Variants in ARAP2 observed in about 807,000 individuals in gnomAD.
The protein encoded by ARAP2 is arf-GAP with Rho-GAP domain, ANK repeat and PH domain-containing protein 2.
ARAP2 carries 148 observed loss-of-function variants against 194.5 expected under a neutral mutation model. The ratio of observed to expected loss-of-function variants is 0.76; its 90% CI spans 0.67 to 0.87. ARAP2 has a LOEUF of 0.87. Among genes scored for constraint, ARAP2 ranks in the 40% least tolerant of loss-of-function variants. The pLI is 0.00. For synonymous variants in ARAP2, 695 were observed against 683.5 expected (o/e 1.02, Z -0.26); for missense variants, 2,128 against 1,989.7 (o/e 1.07, Z -1.32).
chr4:36,054,779 A>G (rs1723225961), intron 2 of ARAP2, among the ~76,000 whole-genome samples: 1 of 152,242 alleles, frequency 6.6e-6, no homozygotes, highest in African/African-American at 2.4e-5. Context: ...AATACTTTTC[A>G]CTAAGTGTAA....
chr4:36,191,356 A>T (rs1323593245), intron 7 of ARAP2, among the ~76,000 whole-genome samples: 1 of 152,140 alleles, frequency 6.6e-6, no homozygotes, highest in African/African-American at 2.4e-5. Context: ...TTCCTTAAAA[A>T]ATAACCTACA....
Position 36,133,379 on chromosome 4 carries a change from T to C in ARAP2, c.3274A>G (p.Ile1092Val), listed in dbSNP as rs138660861. 6.2e-7 allele frequency: 1 copy of C among 1,608,760 alleles called. No homozygotes were observed. The highest frequency in any genetic ancestry group is 1.3e-5 in the African/African-American group (1 of 74,550). Reference protein sequence around the residue: ...LLVEKGRTLYIHGHTKLDFTV... With the variant: ...LLVEKGRTLYVHGHTKLDFTV... Reference sequence around the variant, plus strand: ...AAATCCAACTTGGTATGCCCATGGATGTATAATGTTCTGTAAAGTTTAAAA... The same window carrying C: ...AAATCCAACTTGGTATGCCCATGGACGTATAATGTTCTGTAAAGTTTAAAA... The change falls in exon 20 of 33, where the codon ATC becomes GTC. Residue 1092 changes from isoleucine to valine, a missense_variant. Coordinates refer to ENST00000303965, the MANE Select transcript of ARAP2 (RefSeq NM_015230.4).
intron 19 of ARAP2, among the ~76,000 whole-genome samples, chr4:36,143,212 T>C (rs1329059633): frequency 6.6e-6 from 1 of 151,804 alleles, no homozygotes; most frequent in Non-Finnish European, 1.5e-5. Flanking sequence ...GCAGATTCTT[T>C]ACTTTTATGC....
intron 1 of ARAP2, among the ~76,000 whole-genome samples, chr4:36,238,080 C>T (rs1322960590): frequency 6.6e-6 from 1 of 152,202 alleles, no homozygotes; most frequent in East Asian, 1.9e-4. Context: ...CTCTCCTCCG[C>T]CATCCATTCA....
At chr4:36,084,873 C>A (rs778656778) in intron 28 of ARAP2, among the ~76,000 whole-genome samples, 100 of 151,712 alleles carry the variant, frequency 6.6e-4, no homozygotes, top group Non-Finnish European at 1.3e-3. Context: ...TTTAAAAAAA[C>A]CATATTTTGA....
intron 7 of ARAP2, among the ~76,000 whole-genome samples, chr4:36,189,196 C>A (rs1013513851): frequency 6.6e-6 from 1 of 152,114 alleles, no homozygotes; most frequent in African/African-American, 2.4e-5. Flanking sequence ...CAACTTATTT[C>A]TTCTCCTTTT....
intron 3 of ARAP2, among the ~76,000 whole-genome samples, chr4:36,048,917 T>C (rs1483698406): frequency 2.6e-5 from 4 of 152,152 alleles, no homozygotes; most frequent in African/African-American, 9.7e-5. Flanking sequence ...CAATTCTGAC[T>C]GGTGTAAGAT....
intron 5 of ARAP2, among the ~76,000 whole-genome samples, chr4:36,034,563 T>C (rs1719586943): frequency 6.6e-6 from 1 of 152,176 alleles, no homozygotes; most frequent in African/African-American, 2.4e-5. Context: ...GAGATTTTTC[T>C]ATGTATAAAA....
At chr4:36,212,077 C>T (rs1005362466) in intron 5 of ARAP2, among the ~76,000 whole-genome samples, 1 of 3,516 alleles carries the variant, frequency 2.8e-4, no homozygotes, top group Non-Finnish European at 8.5e-4. Context: ...CTGCCCTTTT[C>T]TCCTTTTTAT....
intron 21 of ARAP2, 58 bp downstream of exon 21, chr4:36,128,475 T>TAAAC (rs1384155506): frequency 7.8e-6 from 2 of 256,398 alleles, no homozygotes; most frequent in Admixed American, 2.3e-4. Context: ...TGGTCTATAT[T>TAAAC]ATACACACAC....
chr4:36,035,852 A>G (rs1353701281), intron 5 of ARAP2, among the ~76,000 whole-genome samples: 3 of 152,156 alleles, frequency 2.0e-5, no homozygotes, highest in African/African-American at 7.2e-5. Flanking sequence ...ACGTTTTTCC[A>G]TATGTCTGTC....
At position 36,114,215 on chromosome 4, in the gene ARAP2, C is replaced by G. The variant is rs1720759343; in HGVS notation, c.4111G>C (p.Gly1371Arg). Residue 1371 changes from glycine (G) to arginine (R), a missense_variant, in exon 26 of 33, where the codon GGT becomes CGT. By Grantham distance (125) the Gly-to-Arg change is moderately radical. Coordinates refer to ENST00000303965, the MANE Select transcript of ARAP2 (RefSeq NM_015230.4). The part of the protein sequence containing the change: ...LAIKNIIPTK[G>R]DIWATFEVIE... Reference sequence around the variant, plus strand: ...ACTTCAAATGTGGCCCAAATATCACCTTTTGTAGGAATAATATTTTTTATC... The same window carrying G: ...ACTTCAAATGTGGCCCAAATATCACGTTTTGTAGGAATAATATTTTTTATC... The G allele has an allele frequency of 1.9e-6, 3 of 1,603,616 alleles. No homozygotes were observed. Among genetic ancestry groups the G allele is most frequent in the South Asian group, 1.1e-5 (1 of 90,184 alleles).
chr4:36,082,001 C>T (rs1402923597), intron 30 of ARAP2, among the ~76,000 whole-genome samples: 2 of 152,094 alleles, frequency 1.3e-5, no homozygotes, highest in Admixed American at 6.6e-5. Context: ...GAATTCCACA[C>T]TCATAATAAC....
At chr4:36,080,385 A>T in intron 30 of ARAP2, 106 bp from the exon 31 acceptor site, 1 of 847,182 alleles carries the variant, frequency 1.2e-6, no homozygotes. Context: ...GTCTCTCCTG[A>T]TTAATGACGT....
intron 9 of ARAP2, among the ~76,000 whole-genome samples, chr4:36,171,238 C>T (rs999191705): frequency 8.5e-5 from 13 of 152,134 alleles, no homozygotes; most frequent in South Asian, 2.1e-4. Flanking sequence ...TATTGCAGCA[C>T]TATTCACAAT....
chr4:36,221,694 T>G (rs1314369632), intron 2 of ARAP2, among the ~76,000 whole-genome samples: 3 of 152,128 alleles, frequency 2.0e-5, no homozygotes, highest in Non-Finnish European at 4.4e-5. Flanking sequence ...TCAACCAAGT[T>G]CAGATGAACT....
chr4:36,042,692 A>G (rs1409212397), intron 5 of ARAP2, among the ~76,000 whole-genome samples: 1 of 152,202 alleles, frequency 6.6e-6, no homozygotes, highest in Non-Finnish European at 1.5e-5. Flanking sequence ...ACTTTCAAGT[A>G]TACCTTTTAA....
At chr4:36,093,217 G>A (rs112633041) in intron 27 of ARAP2, among the ~76,000 whole-genome samples, 3 of 151,934 alleles carry the variant, frequency 2.0e-5, no homozygotes, top group Non-Finnish European at 4.4e-5. Flanking sequence ...GGCGGAGGGT[G>A]GGGGGAAGGA....
chr4:36,092,529 G>A (rs969300239), intron 27 of ARAP2, among the ~76,000 whole-genome samples: 1 of 152,160 alleles, frequency 6.6e-6, no homozygotes, highest in Non-Finnish European at 1.5e-5. Context: ...AGAATAGCTT[G>A]AACCCAGGAG....
Sources: gnomAD v4.1 joint callset for allele counts (sites outside exome capture counted in the v4.1 genomes callset) on GRCh38, gnomAD v4.1.1 for gene constraint, MANE v1.5 for transcripts, NCBI Gene and HGNC (gene_info 2026-07-23, HGNC 2026-07-21) for gene names.